The following IPO11 variants were observed in gnomAD, a reference collection of about 807,000 sequenced individuals.
IPO11 encodes the protein importin-11.
Under a neutral mutation model 143.2 loss-of-function variants are expected in IPO11, and 66 were observed. The observed-to-expected ratio is 0.46, with a 90% CI of 0.38 to 0.57. The LOEUF is 0.57. Ranked by LOEUF, IPO11 falls within the 20% of genes least tolerant of loss-of-function variation. IPO11 has a pLI of 0.00. For missense variants in IPO11, 1,026 were observed against 1,141.0 expected, an observed-to-expected ratio of 0.90 and a Z score of 1.45; for synonymous variants, 385 against 377.8, an observed-to-expected ratio of 1.02 and a Z score of -0.22.
rs190674653 is a variant in IPO11 at position 62,470,469 on chromosome 5, C to G, written c.708+161C>G. On this transcript the variant is annotated intron_variant, in intron 7 of 29. Coordinates refer to ENST00000325324, the MANE Select transcript of IPO11 (RefSeq NM_016338.5). ...CTTTTAGACTTCTGGTCTGTTTTCACTACATCAAAGTGGCTGTTGTGTGAA... is the reference window on the plus strand; with the variant it reads ...CTTTTAGACTTCTGGTCTGTTTTCAGTACATCAAAGTGGCTGTTGTGTGAA... Among the ~76,000 whole-genome samples, 343 of 152,222 alleles carry G rather than the reference C, an allele frequency of 2.3e-3. 3 individuals are homozygous for G. Among genetic ancestry groups the G allele is most frequent in the Middle Eastern group, 0.017 (5 of 294 alleles).
chr5:62,427,932 G>T lies in IPO11; in HGVS notation c.-6-9342G>T, dbSNP rs539781487. 4.6e-5 allele frequency among the ~76,000 whole-genome samples: 7 copies of T among 152,322 alleles called. No homozygotes were observed. The South Asian group carries it at 1.4e-3, about 32-fold the overall frequency. ...TCAATCTGTTTGAGGTATTAATAAC[G>T]TATAGTGTGCAGGGACAGATATGCT... On this transcript the variant is annotated intron_variant, in intron 1 of 29. Transcript: ENST00000325324.
At position 62,588,228 on chromosome 5, in the gene IPO11, C is replaced by CT. The variant is rs1246651088; in HGVS notation, c.2583-3335dup. On this transcript the variant is annotated intron_variant, in intron 27 of 29. Transcript: ENST00000325324. Reference sequence around the variant, plus strand: ...AGTTTTCTTACTCTCTACCACTAAACTTTTTTTTTTTTTTAATGTACAGTG... The same window carrying CT: ...AGTTTTCTTACTCTCTACCACTAAACTTTTTTTTTTTTTTTAATGTACAGTG... Among the ~76,000 whole-genome samples the CT allele has an allele frequency of 5.7e-3, 831 of 144,928 alleles. 7 individuals carry two copies. Among genetic ancestry groups the CT allele is most frequent in the African/African-American group, 0.015 (611 of 39,728 alleles).
intron 26 of IPO11, among the ~76,000 whole-genome samples, chr5:62,553,137 A>G (rs1743447276): frequency 1.3e-5 from 2 of 152,094 alleles, no homozygotes; most frequent in South Asian, 4.1e-4. Flanking sequence ...CCAGTCTAGT[A>G]ACCACTATTC....
At chr5:62,531,489 C>G (rs1328168317) in intron 22 of IPO11, among the ~76,000 whole-genome samples, 1 of 152,164 alleles carries the variant, frequency 6.6e-6, no homozygotes, top group Non-Finnish European at 1.5e-5. Flanking sequence ...CACCACCACA[C>G]ACAGCTAATT....
intron 1 of IPO11, among the ~76,000 whole-genome samples, chr5:62,417,321 ATTTT>A (rs34767317): frequency 4.9e-4 from 32 of 65,352 alleles, no homozygotes; most frequent in African/African-American, 2.0e-3. Flanking sequence ...TTATTGGTTA[ATTTT>A]TTTTTTTTTT....
chr5:62,421,152 ATT>A (rs1232821716), intron 1 of IPO11, among the ~76,000 whole-genome samples: 8 of 152,212 alleles, frequency 5.3e-5, no homozygotes, highest in African/African-American at 1.9e-4. Context: ...TTAATTAAAC[ATT>A]TAGCTCTTCT....
At chr5:62,616,076 G>A (rs979312494) in intron 29 of IPO11, among the ~76,000 whole-genome samples, 1 of 147,654 alleles carries the variant, frequency 6.8e-6, no homozygotes, top group African/African-American at 2.5e-5. Context: ...AGGAAGGGGG[G>A]TGGCAGTGGT....
chr5:62,439,884 C>T (rs1289735019), intron 2 of IPO11, among the ~76,000 whole-genome samples: 2 of 152,118 alleles, frequency 1.3e-5, no homozygotes, highest in African/African-American at 4.8e-5. Flanking sequence ...TATACATGAT[C>T]TCAGGCTTAT....
At chr5:62,467,366 A>C in intron 6 of IPO11, 103 bp downstream of exon 6, 2 of 1,239,346 alleles carry the variant, frequency 1.6e-6, no homozygotes, top group Non-Finnish European at 2.2e-6. Context: ...TCACTGGAAA[A>C]ATAAGAGGTT....
chr5:62,602,165 A>G (rs887549139), intron 29 of IPO11, among the ~76,000 whole-genome samples: 3 of 152,062 alleles, frequency 2.0e-5, no homozygotes, highest in Admixed American at 6.6e-5. Context: ...TTTTGAGGAG[A>G]TGTACTGAAA....
intron 22 of IPO11, among the ~76,000 whole-genome samples, chr5:62,533,251 G>C (rs1276265064): frequency 2.9e-5 from 4 of 136,152 alleles, no homozygotes; most frequent in Non-Finnish European, 6.2e-5. Flanking sequence ...CACTCTTGTT[G>C]CCCAGGCTGG....
At chr5:62,570,651 T>A (rs1744103660) in intron 27 of IPO11, among the ~76,000 whole-genome samples, 1 of 152,210 alleles carries the variant, frequency 6.6e-6, no homozygotes, top group Non-Finnish European at 1.5e-5. Context: ...TCCTGACTAT[T>A]TAGGAAAGTT....
At chr5:62,621,527 T>A (rs1187442941) in intron 29 of IPO11, among the ~76,000 whole-genome samples, 1 of 152,110 alleles carries the variant, frequency 6.6e-6, no homozygotes, top group East Asian at 1.9e-4. Context: ...AGACCTGCAG[T>A]CCGTTTTTCG....
intron 27 of IPO11, among the ~76,000 whole-genome samples, chr5:62,576,579 C>T (rs1371579244): frequency 1.3e-5 from 2 of 152,126 alleles, no homozygotes; most frequent in Non-Finnish European, 2.9e-5. Flanking sequence ...TTACTTGAAC[C>T]TACTAGTTCA....
chr5:62,516,946 C>A (rs1742044214), intron 20 of IPO11, among the ~76,000 whole-genome samples: 1 of 151,290 alleles, frequency 6.6e-6, no homozygotes, highest in East Asian at 2.0e-4. Context: ...AGCCTGTAAT[C>A]CCAGCACTTT....
chr5:62,528,208 AAG>A (rs1318290726), intron 21 of IPO11, among the ~76,000 whole-genome samples: 1 of 152,214 alleles, frequency 6.6e-6, no homozygotes, highest in Non-Finnish European at 1.5e-5. Context: ...AAACCAAGCC[AAG>A]AGAGGAGAAT....
intron 27 of IPO11, chr5:62,579,473 G>T: frequency 6.4e-7 from 1 of 1,550,758 alleles, no homozygotes; most frequent in African/African-American, 1.4e-5. Flanking sequence ...CCTTGCCTAC[G>T]ACTGTTTCTG....
chr5:62,547,161 C>T (rs1204906117), intron 24 of IPO11, among the ~76,000 whole-genome samples: 2 of 151,894 alleles, frequency 1.3e-5, no homozygotes, highest in Admixed American at 6.6e-5. Context: ...TGGGATGTAA[C>T]GTTACAAAAA....
At chr5:62,527,848 G>A (rs184938925) in intron 21 of IPO11, among the ~76,000 whole-genome samples, 3 of 152,258 alleles carry the variant, frequency 2.0e-5, no homozygotes, top group East Asian at 3.9e-4. Flanking sequence ...ATGGGTTAGA[G>A]TTTATATTTG....
Sources: allele counts gnomAD v4.1 joint callset (sites outside exome capture counted in the v4.1 genomes callset), GRCh38; gene constraint gnomAD v4.1.1; transcripts MANE v1.5; gene names NCBI Gene and HGNC (gene_info 2026-07-23, HGNC 2026-07-21).